ME3: variants seen among roughly 807,000 people sequenced by gnomAD.
The protein encoded by ME3 is malic enzyme 3.
In ME3, 48 loss-of-function variants were observed where a neutral mutation model predicts 68.9. The ratio of observed to expected loss-of-function variants is 0.70; its 90% confidence interval spans 0.55 to 0.89. The LOEUF (loss-of-function observed/expected upper bound fraction) is 0.89, where lower values mean the gene tolerates loss of function less well. Among genes scored for constraint, ME3 ranks in the 40% least tolerant of loss-of-function variants. The pLI, the probability that ME3 is intolerant of heterozygous loss-of-function variation, is 0.00. For missense variants in ME3, 675 were observed against 797.4 expected, an observed-to-expected ratio of 0.85 and a Z score of 1.85; for synonymous variants, 320 against 318.8, an observed-to-expected ratio of 1.00 and a Z score of -0.04.
intron 3 of ME3, among the ~76,000 whole-genome samples, chr11:86,559,059 A>T (rs1036544268): frequency 1.3e-5 from 2 of 152,176 alleles, no homozygotes; most frequent in African/African-American, 4.8e-5. Flanking sequence ...ATTTATAGCC[A>T]TTCAACCTGG....
chr11:86,645,998 T>C (rs1159186834), intron 2 of ME3, among the ~76,000 whole-genome samples: 2 of 151,962 alleles, frequency 1.3e-5, no homozygotes, highest in Non-Finnish European at 2.9e-5. Flanking sequence ...CAGGAAGCAA[T>C]AGCATCGACA....
At chr11:86,611,607 G>C (rs1161919914) in intron 2 of ME3, among the ~76,000 whole-genome samples, 2 of 2,332 alleles carry the variant, frequency 8.6e-4, no homozygotes, top group African/African-American at 4.9e-4. Context: ...CAATAAAGTG[G>C]GGGGGGGGGG....
intron 2 of ME3, among the ~76,000 whole-genome samples, chr11:86,572,674 T>A (rs1274630920): frequency 6.6e-6 from 1 of 152,258 alleles, no homozygotes; most frequent in African/African-American, 2.4e-5. Context: ...TTATCCAGTC[T>A]ATCACTGATG....
intron 3 of ME3, among the ~76,000 whole-genome samples, chr11:86,558,590 G>A (rs2139456629): frequency 6.6e-6 from 1 of 152,296 alleles, no homozygotes; most frequent in Admixed American, 6.5e-5. Flanking sequence ...TAGGGGGACA[G>A]CCACACCCTC....
intron 4 of ME3, among the ~76,000 whole-genome samples, chr11:86,538,576 T>G (rs921469019): frequency 6.6e-6 from 1 of 152,132 alleles, no homozygotes; most frequent in Non-Finnish European, 1.5e-5. Context: ...CACATCCAGC[T>G]CACCCTCACA....
At chr11:86,640,939 G>A (rs1944628986) in intron 2 of ME3, among the ~76,000 whole-genome samples, 3 of 151,986 alleles carry the variant, frequency 2.0e-5, no homozygotes, top group Admixed American at 2.0e-4. Flanking sequence ...GGGAAAGATG[G>A]GGAAGAAGGT....
At chr11:86,461,903 G>C in intron 8 of ME3, among the ~76,000 whole-genome samples, 1 of 152,228 alleles carries the variant, frequency 6.6e-6, no homozygotes, top group Middle Eastern at 3.2e-3. Context: ...GATGGCTTTA[G>C]TCTTGAATTT....
chr11:86,619,442 G>A (rs1004155498), intron 2 of ME3, among the ~76,000 whole-genome samples: 1 of 152,210 alleles, frequency 6.6e-6, no homozygotes, highest in Non-Finnish European at 1.5e-5. Flanking sequence ...TGGTTTGGCT[G>A]TGTCCCCACC....
At chr11:86,475,499 G>A (rs568194548) in intron 7 of ME3, among the ~76,000 whole-genome samples, 1 of 152,198 alleles carries the variant, frequency 6.6e-6, no homozygotes, top group African/African-American at 2.4e-5. Flanking sequence ...ATGTGAGAAG[G>A]AACTAATATA....
At chr11:86,513,929 T>A (rs1418241843) in intron 4 of ME3, among the ~76,000 whole-genome samples, 1 of 152,176 alleles carries the variant, frequency 6.6e-6, no homozygotes, top group Admixed American at 6.5e-5. Context: ...TCTGTTTCCA[T>A]GATGATATGG....
At chr11:86,607,323 C>T (rs1961824750) in intron 2 of ME3, among the ~76,000 whole-genome samples, 1 of 152,114 alleles carries the variant, frequency 6.6e-6, no homozygotes, top group Non-Finnish European at 1.5e-5. Context: ...TCTCATCCTT[C>T]AATGTTCTCA....
intron 7 of ME3, among the ~76,000 whole-genome samples, chr11:86,481,091 G>C (rs1190281836): frequency 1.3e-5 from 2 of 152,024 alleles, no homozygotes; most frequent in African/African-American, 4.8e-5. Flanking sequence ...GCCTAGGCTG[G>C]AGTGCAGCGA....
In ME3 at chr11:86,594,687, T is replaced by C. The variant is rs1258353311; in HGVS notation, c.184-34864A>G. Among the ~76,000 whole-genome samples, 7 of 144,576 alleles carry C rather than the reference T, an allele frequency of 4.8e-5. 1 individual carries two copies. The highest frequency in any genetic ancestry group is 1.5e-5 in the Non-Finnish European group (1 of 66,714). 94.8% of individuals were successfully genotyped at this position (144,576 alleles called of 152,430 possible). A position where few individuals can be genotyped will look rare whatever the true frequency, so the allele number is the denominator to read the frequency against. On this transcript the variant is annotated intron_variant, in intron 2 of 14. Transcript: ENST00000543262. ...AGCAAGACCCTTTCTCAAAAAACAA[T>C]ACAAAAAAACACAAAAAAACAAAAA...
intron 4 of ME3, among the ~76,000 whole-genome samples, chr11:86,538,325 C>A (rs1471093934): frequency 6.6e-6 from 1 of 152,164 alleles, no homozygotes; most frequent in African/African-American, 2.4e-5. Context: ...TCTCTGCCTC[C>A]TCTGAACCGC....
intron 6 of ME3, 145 bp downstream of exon 6, chr11:86,497,818 T>G (rs1952459371): frequency 4.2e-6 from 4 of 946,062 alleles, no homozygotes; most frequent in South Asian, 1.7e-5. Context: ...TCCACAACTG[T>G]GTAGGGGGAA....
intron 2 of ME3, among the ~76,000 whole-genome samples, chr11:86,614,332 C>A (rs554612560): frequency 6.6e-6 from 1 of 152,190 alleles, no homozygotes; most frequent in African/African-American, 2.4e-5. Context: ...TGTATTTTCA[C>A]CACTTATGTA....
At chr11:86,479,533 C>T (rs1951272093) in intron 7 of ME3, among the ~76,000 whole-genome samples, 1 of 152,124 alleles carries the variant, frequency 6.6e-6, no homozygotes, top group African/African-American at 2.4e-5. Flanking sequence ...TCATTGCCTT[C>T]CCTGTATATT....
chr11:86,505,262 G>C (rs112264949), intron 5 of ME3, among the ~76,000 whole-genome samples: 6 of 152,204 alleles, frequency 3.9e-5, no homozygotes, highest in African/African-American at 7.2e-5. Context: ...CTAGGGGTGG[G>C]GGGGGAGGAA....
chr11:86,519,251 G>C (rs1954095802), intron 4 of ME3, among the ~76,000 whole-genome samples: 2 of 152,118 alleles, frequency 1.3e-5, no homozygotes, highest in Admixed American at 1.3e-4. Flanking sequence ...ATCTGACAAA[G>C]GCATGCAAAT....
Sources: gnomAD v4.1 joint callset for allele counts (sites outside exome capture counted in the v4.1 genomes callset) on GRCh38, gnomAD v4.1.1 for gene constraint, MANE v1.5 for transcripts, NCBI Gene and HGNC (gene_info 2026-07-23, HGNC 2026-07-21) for gene names.